TMEM132C: variants seen among roughly 807,000 people sequenced by gnomAD.
TMEM132C encodes the protein transmembrane protein 132C, also known as protein phosphatase 1, regulatory subunit 152.
A neutral mutation model predicts 61.4 loss-of-function variants in TMEM132C; 29 were observed. That is an observed-to-expected ratio of 0.47 (90% CI 0.35 to 0.64). The LOEUF (loss-of-function observed/expected upper bound fraction) is 0.64, where lower values mean the gene tolerates loss of function less well. TMEM132C is among the 30% of genes least tolerant of loss of function. The probability of loss-of-function intolerance (pLI) is 0.00; values close to 1 mark genes in which losing one functional copy is unlikely to be tolerated. For synonymous variants in TMEM132C, 656 were observed against 633.1 expected (o/e 1.04, Z -0.54); for missense variants, 1,408 against 1,476.9 (o/e 0.95, Z 0.76).
intron 1 of TMEM132C, among the ~76,000 whole-genome samples, chr12:128,376,179 A>G (rs904924435): frequency 2.0e-5 from 3 of 152,242 alleles, no homozygotes; most frequent in African/African-American, 7.2e-5. Flanking sequence ...GGATTTTTAG[A>G]AGGAAGTAAA....
At chr12:128,553,378 T>C (rs973441072) in intron 3 of TMEM132C, among the ~76,000 whole-genome samples, 1 of 152,220 alleles carries the variant, frequency 6.6e-6, no homozygotes, top group African/African-American at 2.4e-5. Flanking sequence ...TTCAAAGATA[T>C]GTTTTTTAAA....
At chr12:128,273,798 A>C (rs1870596221) in intron 1 of TMEM132C, among the ~76,000 whole-genome samples, 1 of 152,230 alleles carries the variant, frequency 6.6e-6, no homozygotes, top group African/African-American at 2.4e-5. Context: ...GCTATATAAG[A>C]AATTTACAAC....
At chr12:128,313,362 G>A (rs1872039082) in intron 1 of TMEM132C, among the ~76,000 whole-genome samples, 1 of 152,118 alleles carries the variant, frequency 6.6e-6, no homozygotes, top group Non-Finnish European at 1.5e-5. Flanking sequence ...ATCAGCCTTG[G>A]CACCCCCAGT....
intron 1 of TMEM132C, among the ~76,000 whole-genome samples, chr12:128,365,229 C>T (rs1196271619): frequency 6.6e-6 from 1 of 152,156 alleles, no homozygotes; most frequent in East Asian, 1.9e-4. Flanking sequence ...TGTTTGGTTC[C>T]CTTTGCCCCG....
chr12:128,465,746 G>C (rs1435856308), intron 2 of TMEM132C, among the ~76,000 whole-genome samples: 2 of 152,212 alleles, frequency 1.3e-5, no homozygotes, highest in African/African-American at 4.8e-5. Context: ...CACCCTCAAG[G>C]GTGGCAGTAA....
intron 2 of TMEM132C, among the ~76,000 whole-genome samples, chr12:128,452,085 C>T (rs1870192824): frequency 1.3e-5 from 2 of 152,022 alleles, no homozygotes; most frequent in South Asian, 2.1e-4. Flanking sequence ...TAAAAAAATG[C>T]AATTATGATT....
intron 4 of TMEM132C, among the ~76,000 whole-genome samples, chr12:128,619,334 A>T (rs1354105591): frequency 1.3e-5 from 2 of 152,222 alleles, no homozygotes; most frequent in Non-Finnish European, 2.9e-5. Flanking sequence ...CCAAGGAGAG[A>T]GCCACGGATA....
At chr12:128,406,055 A>G (rs1875333242) in intron 1 of TMEM132C, among the ~76,000 whole-genome samples, 2 of 152,244 alleles carry the variant, frequency 1.3e-5, no homozygotes, top group Non-Finnish European at 2.9e-5. Context: ...AGGTACTTAC[A>G]TGAAGGTGAA....
chr12:128,397,154 G>T (rs932386199), intron 1 of TMEM132C, among the ~76,000 whole-genome samples: 3 of 152,144 alleles, frequency 2.0e-5, no homozygotes, highest in Non-Finnish European at 2.9e-5. Flanking sequence ...TAGTAGTTGG[G>T]CTCAGGACAT....
rs1365668108 is a variant in TMEM132C at position 128,570,542 on chromosome 12, A to G, written c.1121+26439A>G. On this transcript the variant is annotated intron_variant, in intron 3 of 8. Transcript: ENST00000435159. The surrounding 1 kb of genome is among the most constrained non-coding windows in gnomAD (Gnocchi z 4.7). ...CTAGATTGCAGAGGCCTAACGAAACACGGCTTTTTTTTTTCCTTTGACTCA... is the reference window on the plus strand; with the variant it reads ...CTAGATTGCAGAGGCCTAACGAAACGCGGCTTTTTTTTTTCCTTTGACTCA... Among the ~76,000 whole-genome samples the G allele has an allele frequency of 2.0e-5, 3 of 150,444 alleles. No individual in the cohort carries two copies. Among genetic ancestry groups the G allele is most frequent in the East Asian group, 3.9e-4 (2 of 5,182 alleles).
chr12:128,572,255 G>T (rs1874915821), intron 3 of TMEM132C, among the ~76,000 whole-genome samples: 1 of 146,064 alleles, frequency 6.8e-6, no homozygotes, highest in African/African-American at 2.7e-5. Context: ...TGTGGTCTCT[G>T]CTGGTCTCTG....
chr12:128,650,065 C>G (rs181618508), intron 4 of TMEM132C, among the ~76,000 whole-genome samples: 54 of 152,156 alleles, frequency 3.5e-4, no homozygotes, highest in Non-Finnish European at 6.6e-4. Context: ...GCTCAGCTAC[C>G]ATTTGAGACG....
intron 2 of TMEM132C, among the ~76,000 whole-genome samples, chr12:128,468,049 A>C (rs1870800422): frequency 6.6e-6 from 1 of 152,212 alleles, no homozygotes; most frequent in African/African-American, 2.4e-5. Context: ...TAGGGAGTAG[A>C]GGGCAGAGAG....
chr12:128,693,008 A>G (rs1466299336), intron 5 of TMEM132C, among the ~76,000 whole-genome samples: 1 of 152,188 alleles, frequency 6.6e-6, no homozygotes, highest in Admixed American at 6.5e-5. Context: ...ACGAACACGT[A>G]TTATATAAAT....
intron 2 of TMEM132C, among the ~76,000 whole-genome samples, chr12:128,419,352 T>G (rs1868901641): frequency 6.6e-6 from 1 of 152,184 alleles, no homozygotes; most frequent in Non-Finnish European, 1.5e-5. Context: ...ATGAGCATTA[T>G]GAACAGCAAA....
rs138192140 is a variant in TMEM132C, at chr12:128,647,233, G to T, written c.1306-22184G>T. On this transcript the variant is annotated intron_variant, in intron 4 of 8. Transcript: ENST00000435159. The stretch of plus-strand genomic sequence containing the variant: ...TGTGTGTTTACTAGATCCCATCAGC[G>T]TTGGATGTGAGTGTGTTTACTAGAT... 8.7e-3 allele frequency among the ~76,000 whole-genome samples: 1,240 copies of T among 142,682 alleles called. 26 individuals carry two copies. The highest frequency in any genetic ancestry group is 0.03 in the African/African-American group (1,172 of 38,748). The allele number at this position is 142,682 out of a possible 152,430, so 93.6% of individuals were successfully genotyped here.
At chr12:128,566,347 A>G (rs545205855) in intron 3 of TMEM132C, among the ~76,000 whole-genome samples, 135 of 152,338 alleles carry the variant, frequency 8.9e-4, no homozygotes, top group Non-Finnish European at 1.2e-3. Context: ...TTTTGTGTGC[A>G]TATTTCTGAA....
intron 6 of TMEM132C, among the ~76,000 whole-genome samples, chr12:128,694,422 T>C (rs1385426478): frequency 6.6e-6 from 1 of 152,216 alleles, no homozygotes; most frequent in Non-Finnish European, 1.5e-5. Context: ...GCAGATCAAA[T>C]TATTGGATAA....
intron 2 of TMEM132C, among the ~76,000 whole-genome samples, chr12:128,433,796 G>GT (rs34990359): frequency 0.79 from 120,366 of 151,756 alleles, 47,904 homozygotes; most frequent in Non-Finnish European, 0.83. Context: ...GAGTCCTCCT[G>GT]GCTAGCATGG....
Sources: allele counts gnomAD v4.1 joint callset (sites outside exome capture counted in the v4.1 genomes callset), GRCh38; gene constraint gnomAD v4.1.1; non-coding constraint Gnocchi (gnomAD v3.1); transcripts MANE v1.5; gene names NCBI Gene and HGNC (gene_info 2026-07-23, HGNC 2026-07-21).